CELF2: variants seen among roughly 807,000 people sequenced by gnomAD.
CELF2 encodes the protein CUG triplet repeat RNA-binding protein 2.
Under a neutral mutation model 62.6 loss-of-function variants are expected in CELF2, and 8 were observed. That is an observed-to-expected ratio of 0.13 (90% confidence interval 0.07 to 0.23). CELF2 has a LOEUF of 0.23. CELF2 is among the 10% of genes least tolerant of loss of function. CELF2 has a pLI of 1.00. For synonymous variants in CELF2, 258 were observed against 250.0 expected (o/e 1.03, Z -0.30); for missense variants, 333 against 671.0 (o/e 0.50, Z 5.56).
At chr10:10,650,215 A>G in the CELF2 span, among the ~76,000 whole-genome samples, 13 of 152,340 alleles carry the variant, frequency 8.5e-5, no homozygotes, top group African/African-American at 3.1e-4. Flanking sequence ...TAAAACAAAT[A>G]AAGCAGAACA....
intron 9 of CELF2, among the ~76,000 whole-genome samples, chr10:11,308,959 T>G (rs986373089): frequency 3.9e-5 from 6 of 152,240 alleles, no homozygotes; most frequent in African/African-American, 1.4e-4. Context: ...AAAAAAGAAT[T>G]TCCAATTTTT....
chr10:10,763,680 C>G, the CELF2 span, among the ~76,000 whole-genome samples: 1 of 152,134 alleles, frequency 6.6e-6, no homozygotes, highest in Non-Finnish European at 1.5e-5. Context: ...GAGGCACGAA[C>G]GCGGGAACAG....
Position 11,012,465 on chromosome 10 carries a change from G to A in CELF2, c.53+7025G>A, listed in dbSNP as rs779378466. Among the ~76,000 whole-genome samples the A allele has an allele frequency of 1.8e-4, 27 of 152,276 alleles. No homozygotes were observed. Among genetic ancestry groups the A allele is most frequent in the Non-Finnish European group, 3.5e-4 (24 of 68,002 alleles). Reference sequence around the variant, plus strand: ...CCAGAGAGATTCCCTCTGAAGTAGAGAATTTGATTCCTGCCAAGATCCGTC... The same window carrying A: ...CCAGAGAGATTCCCTCTGAAGTAGAAAATTTGATTCCTGCCAAGATCCGTC... On this transcript the variant is annotated intron_variant, in intron 1 of 12. Coordinates refer to the CELF2 transcript ENST00000416382. The surrounding 1 kb of genome is among the most constrained non-coding windows in gnomAD (Gnocchi z 5.5).
intron 1 of CELF2, among the ~76,000 whole-genome samples, chr10:11,155,267 G>A (rs763026893): frequency 1.3e-5 from 2 of 152,162 alleles, no homozygotes; most frequent in Admixed American, 6.5e-5. Context: ...GAATAATTGC[G>A]CTGTGCTGCC....
rs2095868704 is a variant in CELF2, at chr10:11,328,457, C to T, written c.1439-469C>T. Among the ~76,000 whole-genome samples, 1 of 152,116 alleles carries T rather than the reference C, an allele frequency of 6.6e-6. No individual in the cohort carries two copies. The highest frequency in any genetic ancestry group is 1.5e-5 in the Non-Finnish European group (1 of 68,020). ...TGGCAGTATCTGCTGTTCTCCAGCC[C>T]TTCCCTTCCCGAGCCTGCCTGTTGG... On this transcript the variant is annotated intron_variant, in intron 12 of 12. Coordinates refer to ENST00000633077, the MANE Select transcript of CELF2 (RefSeq NM_001326342.2). This position sits in a 1 kb window ranked among gnomAD's most constrained non-coding sequence, Gnocchi z 6.4.
chr10:11,078,470 A>G (rs2072857794), intron 1 of CELF2, among the ~76,000 whole-genome samples: 1 of 151,998 alleles, frequency 6.6e-6, no homozygotes, highest in Admixed American at 6.6e-5. Context: ...CCCTAAATGT[A>G]TTTTTCCTTG....
At chr10:10,618,758 G>A in the CELF2 span, among the ~76,000 whole-genome samples, 1 of 152,102 alleles carries the variant, frequency 6.6e-6, no homozygotes, top group Non-Finnish European at 1.5e-5. Flanking sequence ...CACGCAAGGA[G>A]TGAGTTTAAA....
At chr10:11,103,886 A>G (rs2052594801) in intron 1 of CELF2, among the ~76,000 whole-genome samples, 1 of 152,220 alleles carries the variant, frequency 6.6e-6, no homozygotes, top group Non-Finnish European at 1.5e-5. Flanking sequence ...GAAGGCTAAA[A>G]TTATTGCATA....
chr10:10,808,059 AT>A (rs1349089403), intron 1 of CELF2, among the ~76,000 whole-genome samples: 4 of 152,352 alleles, frequency 2.6e-5, no homozygotes, highest in African/African-American at 9.6e-5. Context: ...GGATGACAAA[AT>A]ACTGAAGATG....
the CELF2 span, among the ~76,000 whole-genome samples, chr10:10,607,993 G>T: frequency 6.6e-6 from 1 of 152,046 alleles, no homozygotes; most frequent in African/African-American, 2.4e-5. Context: ...CAGGTGTAAT[G>T]GTGGGCATCT....
At chr10:10,555,387 T>G in the CELF2 span, among the ~76,000 whole-genome samples, 1 of 151,896 alleles carries the variant, frequency 6.6e-6, no homozygotes, top group African/African-American at 2.4e-5. Context: ...TTGAATACCA[T>G]TTACAAAAAG....
At chr10:10,724,037 C>T in the CELF2 span, among the ~76,000 whole-genome samples, 2 of 152,188 alleles carry the variant, frequency 1.3e-5, no homozygotes, top group Non-Finnish European at 2.9e-5. Context: ...GAATTCTTCA[C>T]ATTTATGTAT....
rs557794517 is a variant in CELF2, at chr10:10,950,693, T to C, written c.89+30694T>C. Reference sequence around the variant, plus strand: ...GATATCGTTTACTTATTTATCATTTTTGCACATAGCATTGCAACTTTCCTG... The same window carrying C: ...GATATCGTTTACTTATTTATCATTTCTGCACATAGCATTGCAACTTTCCTG... On this transcript the variant is annotated intron_variant, in intron 2 of 13. Coordinates refer to the CELF2 transcript ENST00000636488. Among the ~76,000 whole-genome samples, 463 of 152,334 alleles carry C rather than the reference T, an allele frequency of 3.0e-3. 2 individuals are homozygous for C. The highest frequency in any genetic ancestry group is 0.011 in the African/African-American group (443 of 41,564).
At chr10:10,916,951 G>A (rs1325266785) in intron 1 of CELF2, among the ~76,000 whole-genome samples, 4 of 146,712 alleles carry the variant, frequency 2.7e-5, no homozygotes, top group South Asian at 2.1e-4. Flanking sequence ...TTTTTTTTAA[G>A]GAAAAAGAAC....
rs576365236 is a variant in CELF2 at position 10,818,057 on chromosome 10, A to C, written c.53+19240A>C. Among the ~76,000 whole-genome samples, 310 of 152,330 alleles carry C rather than the reference A, an allele frequency of 2.0e-3. 1 individual carries two copies. The highest frequency in any genetic ancestry group is 3.2e-3 in the Admixed American group (49 of 15,312). On this transcript the variant is annotated intron_variant, in intron 1 of 13. Transcript: ENST00000636488. ...TAAACAAACTGATGTTGCCGCTAAT[A>C]TCACTTGTACATAAAGCCAAATATT...
At chr10:10,762,623 G>A in the CELF2 span, among the ~76,000 whole-genome samples, 1 of 152,196 alleles carries the variant, frequency 6.6e-6, no homozygotes, top group East Asian at 1.9e-4. Context: ...CCATTTGGGG[G>A]TAGTTCTCCG....
At chr10:10,632,666 G>T in the CELF2 span, among the ~76,000 whole-genome samples, 1 of 152,172 alleles carries the variant, frequency 6.6e-6, no homozygotes, top group Non-Finnish European at 1.5e-5. Flanking sequence ...TTGTTTGTCG[G>T]TGTTCGCTAG....
At chr10:11,236,037 A>G (rs2071145394) in intron 3 of CELF2, among the ~76,000 whole-genome samples, 1 of 152,186 alleles carries the variant, frequency 6.6e-6, no homozygotes, top group African/African-American at 2.4e-5. Flanking sequence ...CAATGAAATC[A>G]TACATTTTTT....
the CELF2 span, among the ~76,000 whole-genome samples, chr10:10,596,233 A>G: frequency 1.4e-5 from 2 of 147,224 alleles, no homozygotes; most frequent in African/African-American, 2.5e-5. Flanking sequence ...TGGAATTTGA[A>G]AAAGGATTCT....
Sources: gnomAD v4.1 joint callset for allele counts (sites outside exome capture counted in the v4.1 genomes callset) on GRCh38, gnomAD v4.1.1 for gene constraint, Gnocchi (gnomAD v3.1) non-coding constraint, MANE v1.5 for transcripts, NCBI Gene and HGNC (gene_info 2026-07-23, HGNC 2026-07-21) for gene names.